Variants in NLGN1 observed in about 807,000 individuals in gnomAD.
NLGN1 encodes the protein neuroligin-1.
A neutral mutation model predicts 65.5 loss-of-function variants in NLGN1; 12 were observed. The ratio of observed to expected loss-of-function variants is 0.18; its 90% CI spans 0.12 to 0.30. NLGN1 has a LOEUF of 0.30. Among genes scored for constraint, NLGN1 ranks in the 10% least tolerant of loss-of-function variants. NLGN1 has a pLI of 1.00. For synonymous variants in NLGN1, 350 were observed against 359.5 expected, an observed-to-expected ratio of 0.97 and a Z score of 0.30; for missense variants, 750 against 1,007.1, an observed-to-expected ratio of 0.74 and a Z score of 3.46.
At chr3:174,108,161 A>AT (rs889810329) in intron 4 of NLGN1, among the ~76,000 whole-genome samples, 4 of 151,890 alleles carry the variant, frequency 2.6e-5, no homozygotes, top group African/African-American at 7.2e-5. Flanking sequence ...TATTGTATTG[A>AT]TTTTTTTTCT....
chr3:174,017,280 G>T (rs916666987), intron 4 of NLGN1, among the ~76,000 whole-genome samples: 1 of 152,122 alleles, frequency 6.6e-6, no homozygotes, highest in Non-Finnish European at 1.5e-5. Flanking sequence ...CTTCATTATT[G>T]TGTAGGACTT....
intron 3 of NLGN1, among the ~76,000 whole-genome samples, chr3:173,732,076 A>G (rs1772943828): frequency 1.3e-5 from 2 of 152,222 alleles, no homozygotes; most frequent in South Asian, 4.1e-4. Context: ...TAGTTAAGAT[A>G]AAATATTATC....
chr3:173,777,293 A>G (rs902516869), intron 3 of NLGN1, among the ~76,000 whole-genome samples: 2 of 151,932 alleles, frequency 1.3e-5, no homozygotes, highest in African/African-American at 2.4e-5. Flanking sequence ...AGTAGCAACC[A>G]TATGGATTTG....
intron 4 of NLGN1, among the ~76,000 whole-genome samples, chr3:174,134,017 A>C (rs1720732680): frequency 6.6e-6 from 1 of 152,102 alleles, no homozygotes; most frequent in Non-Finnish European, 1.5e-5. Flanking sequence ...ACTGCTAATA[A>C]GATTTTAGAC....
At chr3:173,630,090 G>A (rs906296756) in intron 3 of NLGN1, among the ~76,000 whole-genome samples, 5 of 152,122 alleles carry the variant, frequency 3.3e-5, no homozygotes, top group East Asian at 1.9e-4. Flanking sequence ...CATGTGAGAC[G>A]TGTCTGGGAT....
intron 4 of NLGN1, among the ~76,000 whole-genome samples, chr3:174,017,581 C>T (rs969779824): frequency 3.3e-5 from 5 of 152,144 alleles, no homozygotes; most frequent in African/African-American, 4.8e-5. Flanking sequence ...CCCTAAGTGT[C>T]GGGCAGTCTG....
Position 173,807,099 on chromosome 3 carries a change from C to T in NLGN1, c.494-581C>T, listed in dbSNP as rs552546540. On this transcript the variant is annotated intron_variant, in intron 3 of 6. Transcript: ENST00000457714. ...AGCACAGATGTACATGACTTTCGTG[C>T]CTAAACATTCATCTGACATTACTTA... Among the ~76,000 whole-genome samples the T allele has an allele frequency of 3.9e-5, 6 of 152,248 alleles. No homozygotes were observed. The South Asian group carries it at 1.2e-3, about 32-fold the overall frequency.
chr3:173,626,543 T>G (rs1045602771), intron 3 of NLGN1, among the ~76,000 whole-genome samples: 3 of 152,134 alleles, frequency 2.0e-5, no homozygotes, highest in Non-Finnish European at 4.4e-5. Flanking sequence ...TCCTTTAGAA[T>G]AGTCTGTTAC....
chr3:173,813,302 A>G (rs1010557141), intron 4 of NLGN1, among the ~76,000 whole-genome samples: 1 of 152,220 alleles, frequency 6.6e-6, no homozygotes, highest in Non-Finnish European at 1.5e-5. Flanking sequence ...CAAAAGTCTC[A>G]TACTCCAAAA....
rs185620782 is a variant in NLGN1 at position 173,453,726 on chromosome 3, C to T, written c.-321+18648C>T. ...ATGTCTTTAGGCTCTACTTTTAATTCTAGTTCTCTTGCTGTTTTTACCAGA... is the reference window on the plus strand; with the variant it reads ...ATGTCTTTAGGCTCTACTTTTAATTTTAGTTCTCTTGCTGTTTTTACCAGA... On this transcript the variant is annotated intron_variant, in intron 2 of 6. Transcript: ENST00000457714. Among the ~76,000 whole-genome samples the T allele has an allele frequency of 3.5e-3, 538 of 152,250 alleles. 1 individual carries two copies. The highest frequency in any genetic ancestry group is 5.7e-3 in the Non-Finnish European group (389 of 68,010).
chr3:173,551,921 G>C (rs1740935972), intron 2 of NLGN1, among the ~76,000 whole-genome samples: 1 of 152,124 alleles, frequency 6.6e-6, no homozygotes, highest in African/African-American at 2.4e-5. Flanking sequence ...GCTGCTATTT[G>C]GCTCCTAGGC....
intron 3 of NLGN1, among the ~76,000 whole-genome samples, chr3:173,734,379 C>CAATTTTTTTTTTTTTTT (rs1560261820): frequency 5.1e-5 from 3 of 59,048 alleles, no homozygotes; most frequent in African/African-American, 1.9e-4. Context: ...GTGGATAATT[C>CAATTTTTTTTTTTTTTT]TATTTTTTTT....
At chr3:173,468,007 T>TA (rs1724660520) in intron 2 of NLGN1, among the ~76,000 whole-genome samples, 1 of 152,134 alleles carries the variant, frequency 6.6e-6, no homozygotes, top group Non-Finnish European at 1.5e-5. Context: ...GCCACCACTA[T>TA]AATGCATTTT....
chr3:173,855,392 A>T (rs991125750), intron 4 of NLGN1, among the ~76,000 whole-genome samples: 9 of 152,112 alleles, frequency 5.9e-5, no homozygotes, highest in African/African-American at 2.2e-4. Flanking sequence ...TCTTATAAAT[A>T]TCTATTTTGG....
intron 3 of NLGN1, among the ~76,000 whole-genome samples, chr3:173,709,784 C>T (rs1488535302): frequency 1.7e-5 from 2 of 116,158 alleles, no homozygotes; most frequent in East Asian, 2.5e-4. Context: ...GCCTGGGCAA[C>T]GAGAGCGAAA....
At chr3:173,949,896 C>T (rs1325133737) in intron 4 of NLGN1, among the ~76,000 whole-genome samples, 2 of 152,092 alleles carry the variant, frequency 1.3e-5, no homozygotes, top group African/African-American at 2.4e-5. Flanking sequence ...ATTTAATCAT[C>T]TGCTTCTGGA....
intron 3 of NLGN1, among the ~76,000 whole-genome samples, chr3:173,695,392 C>T (rs2063621473): frequency 6.6e-6 from 1 of 151,856 alleles, no homozygotes; most frequent in Non-Finnish European, 1.5e-5. Flanking sequence ...ATTAGGTTTC[C>T]AGACTGATCC....
At chr3:174,171,331 G>T (rs570264954) in intron 4 of NLGN1, among the ~76,000 whole-genome samples, 1 of 152,128 alleles carries the variant, frequency 6.6e-6, no homozygotes, top group Non-Finnish European at 1.5e-5. Context: ...TTTATTAAAA[G>T]AAATTAAATA....
rs1713094548 is a variant in NLGN1, at chr3:173,413,784, T to C, written c.-390+15297T>C. Among the ~76,000 whole-genome samples, 3 of 152,026 alleles carry C rather than the reference T, an allele frequency of 2.0e-5. No individual in the cohort carries two copies. In the South Asian group the frequency reaches 6.2e-4, roughly 32 times the overall value. ...TTCAGGGCCAGAGCAGCAGGTCAAA[T>C]GGGAAGCCCTGGAGCTAAACATACC... is the stretch of plus-strand genomic sequence containing the variant. On this transcript the variant is annotated intron_variant, in intron 1 of 6. Coordinates refer to ENST00000457714, the Ensembl canonical transcript of NLGN1.
Sources: allele counts gnomAD v4.1 joint callset (sites outside exome capture counted in the v4.1 genomes callset), GRCh38; gene constraint gnomAD v4.1.1; transcripts MANE v1.5; gene names NCBI Gene and HGNC (gene_info 2026-07-23, HGNC 2026-07-21).